Variants in PLPP3 observed in about 807,000 individuals in gnomAD.
PLPP3 encodes phospholipid phosphatase 3, also known as PAP2 beta.
Under a neutral mutation model 29.6 loss-of-function variants are expected in PLPP3, and 6 were observed. That is an observed-to-expected ratio of 0.20 (90% CI 0.11 to 0.40). PLPP3 has a LOEUF of 0.40. Ranked by LOEUF, PLPP3 falls within the 10% of genes least tolerant of loss-of-function variation. PLPP3 has a pLI of 1.00. For synonymous variants in PLPP3, 152 were observed against 159.7 expected, an observed-to-expected ratio of 0.95 and a Z score of 0.36; for missense variants, 308 against 407.7, an observed-to-expected ratio of 0.76 and a Z score of 2.11.
chr1:56,576,423 C>A (rs1007763981), intron 1 of PLPP3, among the ~76,000 whole-genome samples: 3 of 152,170 alleles, frequency 2.0e-5, no homozygotes, highest in African/African-American at 7.2e-5. Context: ...ATTAATTTTT[C>A]TTTTGGAAGC....
At chr1:56,518,901 T>TA (rs1645800251) in intron 4 of PLPP3, among the ~76,000 whole-genome samples, 1 of 151,910 alleles carries the variant, frequency 6.6e-6, no homozygotes, top group South Asian at 2.1e-4. Flanking sequence ...GTATGTAGTA[T>TA]GTCAGATGGT....
At chr1:56,565,434 T>A (rs1365859971) in intron 1 of PLPP3, among the ~76,000 whole-genome samples, 2 of 151,960 alleles carry the variant, frequency 1.3e-5, no homozygotes, top group South Asian at 2.1e-4. Context: ...TTTTTTTTTT[T>A]AAATGATACA....
chr1:56,566,337 G>A (rs1408213102), intron 1 of PLPP3, among the ~76,000 whole-genome samples: 1 of 152,142 alleles, frequency 6.6e-6, no homozygotes, highest in East Asian at 1.9e-4. Flanking sequence ...CCAGGCAGAC[G>A]TCTGACCCCA....
Position 56,560,818 on chromosome 1 carries a change from C to T in PLPP3, c.139+18060G>A, listed in dbSNP as rs369303776. Among the ~76,000 whole-genome samples the T allele has an allele frequency of 2.3e-3, 345 of 151,062 alleles. 3 individuals carry two copies. The highest frequency in any genetic ancestry group is 8.2e-3 in the African/African-American group (338 of 41,234). On this transcript the variant is annotated intron_variant, in intron 1 of 5. Coordinates refer to ENST00000371250, the MANE Select transcript of PLPP3 (RefSeq NM_003713.5). ...TTTTCCCTTCAGGGGGTTTTCCTCT[C>T]CCCATTCAGAGTCCTTTTTTTTTTT...
intron 5 of PLPP3, among the ~76,000 whole-genome samples, chr1:56,503,236 A>G (rs1427852538): frequency 6.6e-6 from 1 of 152,196 alleles, no homozygotes; most frequent in Non-Finnish European, 1.5e-5. Context: ...TGAGGTGGAA[A>G]AGAGTGTGAC....
chr1:56,508,282 T>C (rs1400820542), intron 5 of PLPP3, among the ~76,000 whole-genome samples: 1 of 152,156 alleles, frequency 6.6e-6, no homozygotes, highest in East Asian at 1.9e-4. Flanking sequence ...AGAGGAGACC[T>C]GCCAAAGCCT....
At chr1:56,516,484 G>C (rs1374878625) in intron 4 of PLPP3, among the ~76,000 whole-genome samples, 2 of 152,184 alleles carry the variant, frequency 1.3e-5, no homozygotes, top group African/African-American at 4.8e-5. Flanking sequence ...CTTTAGTAAA[G>C]TCCTAGGTGC....
At chr1:56,520,894 G>C (rs1490206031) in intron 4 of PLPP3, among the ~76,000 whole-genome samples, 1 of 119,116 alleles carries the variant, frequency 8.4e-6, no homozygotes, top group African/African-American at 3.1e-5. Context: ...CTGTGCAACA[G>C]AGCGAGACTC....
At chr1:56,563,974 A>C (rs1330703524) in intron 1 of PLPP3, among the ~76,000 whole-genome samples, 1 of 152,256 alleles carries the variant, frequency 6.6e-6, no homozygotes, top group Non-Finnish European at 1.5e-5. Context: ...TTAAACTTCA[A>C]GTCAAATCTG....
intron 1 of PLPP3, among the ~76,000 whole-genome samples, chr1:56,545,803 C>A (rs72920450): frequency 6.6e-6 from 1 of 152,176 alleles, no homozygotes; most frequent in Non-Finnish European, 1.5e-5. Context: ...ATAAACAACA[C>A]GTGGACTGGC....
At chr1:56,577,382 A>G (rs1488770576) in intron 1 of PLPP3, among the ~76,000 whole-genome samples, 1 of 152,180 alleles carries the variant, frequency 6.6e-6, no homozygotes, top group Non-Finnish European at 1.5e-5. Flanking sequence ...GGGATGTGCC[A>G]CCTGAACTAC....
chr1:56,511,327 T>G (rs1349671899), intron 5 of PLPP3, among the ~76,000 whole-genome samples: 1 of 152,022 alleles, frequency 6.6e-6, no homozygotes, highest in East Asian at 1.9e-4. Context: ...TTGGGGCAAA[T>G]CAGTATGTGG....
At chr1:56,543,742 T>C (rs1645984656) in intron 1 of PLPP3, among the ~76,000 whole-genome samples, 2 of 152,234 alleles carry the variant, frequency 1.3e-5, no homozygotes, top group Admixed American at 1.3e-4. Flanking sequence ...AAACACTTGC[T>C]GTTGGCTGGT....
intron 4 of PLPP3, chr1:56,513,589 C>CTAGGACTGA (rs1234133640): frequency 6.6e-6 from 1 of 152,188 alleles, no homozygotes; most frequent in African/African-American, 2.4e-5. Flanking sequence ...CATTCTTAGC[C>CTAGGACTGA]ATAAGTGTCT....
At chr1:56,565,173 T>C (rs993958731) in intron 1 of PLPP3, among the ~76,000 whole-genome samples, 2 of 152,224 alleles carry the variant, frequency 1.3e-5, no homozygotes, top group Non-Finnish European at 1.5e-5. Context: ...CTGTCAGTGG[T>C]TGCTAACTTT....
At chr1:56,510,984 A>G (rs1298208620) in intron 5 of PLPP3, among the ~76,000 whole-genome samples, 1 of 152,212 alleles carries the variant, frequency 6.6e-6, no homozygotes, top group Admixed American at 6.5e-5. Flanking sequence ...AAGGATAAGA[A>G]GCTGGTTTAG....
At chr1:56,521,486 C>T (rs1645819214) in intron 4 of PLPP3, among the ~76,000 whole-genome samples, 1 of 152,014 alleles carries the variant, frequency 6.6e-6, no homozygotes, top group Non-Finnish European at 1.5e-5. Flanking sequence ...TGCAAGAGTT[C>T]TGAAGAGCGT....
At position 56,534,998 on chromosome 1, in the gene PLPP3, G is replaced by C. The variant is rs771180996; in HGVS notation, c.297+1957C>G. Among the ~76,000 whole-genome samples the C allele has an allele frequency of 2.6e-5, 4 of 152,148 alleles. No individual in the cohort carries two copies. In the South Asian group the frequency reaches 8.3e-4, roughly 31 times the overall value. On this transcript the variant is annotated intron_variant, in intron 2 of 5. Coordinates refer to ENST00000371250, the MANE Select transcript of PLPP3 (RefSeq NM_003713.5). The stretch of plus-strand genomic sequence containing the variant: ...TCCTTTCCTTACTGTATTTTTACCA[G>C]ATATAACATCTGGCTGTCACTTCAC...
At chr1:56,554,258 G>A (rs1025990268) in intron 1 of PLPP3, among the ~76,000 whole-genome samples, 4 of 151,988 alleles carry the variant, frequency 2.6e-5, no homozygotes, top group African/African-American at 4.8e-5. Flanking sequence ...CAATCTTGAC[G>A]GGTTACTGTG....
Sources: allele counts gnomAD v4.1 joint callset (sites outside exome capture counted in the v4.1 genomes callset), GRCh38; gene constraint gnomAD v4.1.1; transcripts MANE v1.5; gene names NCBI Gene and HGNC (gene_info 2026-07-23, HGNC 2026-07-21).